The following PRDM16 variants were observed in gnomAD, a reference collection of about 807,000 sequenced individuals.
PRDM16 encodes PR/SET domain 16, also known as histone-lysine N-methyltransferase PRDM16.
A neutral mutation model predicts 110.6 loss-of-function variants in PRDM16; 23 were observed. The observed-to-expected ratio is 0.21, with a 90% CI of 0.15 to 0.29. The LOEUF is 0.29. Ranked by LOEUF, PRDM16 falls within the 10% of genes least tolerant of loss-of-function variation. The probability of loss-of-function intolerance (pLI) is 1.00; values close to 1 mark genes in which losing one functional copy is unlikely to be tolerated. For missense variants in PRDM16, 1,615 were observed against 1,794.3 expected (o/e 0.90, Z 1.81); for synonymous variants, 799 against 781.8 (o/e 1.02, Z -0.37).
intron 1 of PRDM16, among the ~76,000 whole-genome samples, chr1:3,115,400 C>T (rs1047403251): frequency 6.6e-6 from 1 of 152,240 alleles, no homozygotes; most frequent in East Asian, 1.9e-4. Flanking sequence ...TGAGCAAACC[C>T]AGCGGGACGG....
rs115853014 is a variant in PRDM16 at position 3,314,501 on chromosome 1, A to T, written c.438+70364A>T. ...ACCCTCCCACCTTACAAAGTCCCCC[A>T]GCCTCCCCACATAGTTATCCTGCTC... On this transcript the variant is annotated intron_variant, in intron 3 of 16. Coordinates refer to ENST00000270722, the MANE Select transcript of PRDM16 (RefSeq NM_022114.4). Among the ~76,000 whole-genome samples, 1,399 of 152,142 alleles carry T rather than the reference A, an allele frequency of 9.2e-3. 36 individuals carry two copies. Among genetic ancestry groups the T allele is most frequent in the African/African-American group, 0.032 (1,333 of 41,492 alleles).
At chr1:3,349,011 C>G (rs1344398786) in intron 3 of PRDM16, among the ~76,000 whole-genome samples, 2 of 152,126 alleles carry the variant, frequency 1.3e-5, no homozygotes, top group African/African-American at 4.8e-5. Context: ...GCTCTGTGCT[C>G]CTGCCTTTGG....
intron 3 of PRDM16, among the ~76,000 whole-genome samples, chr1:3,301,558 A>C (rs1641208894): frequency 6.6e-6 from 1 of 152,218 alleles, no homozygotes; most frequent in Admixed American, 6.5e-5. Context: ...GCTGAGGCTG[A>C]CACCTCTGGC....
chr1:3,277,712 C>T (rs1040367580), intron 3 of PRDM16, among the ~76,000 whole-genome samples: 1 of 149,556 alleles, frequency 6.7e-6, no homozygotes, highest in Non-Finnish European at 1.5e-5. Flanking sequence ...CTTGTTCACC[C>T]ACATGCACAC....
intron 3 of PRDM16, among the ~76,000 whole-genome samples, chr1:3,365,950 G>C (rs200395015): frequency 3.1e-5 from 4 of 130,218 alleles, no homozygotes; most frequent in Non-Finnish European, 6.3e-5. Context: ...AAACGCACAC[G>C]CATGCACACA....
intron 3 of PRDM16, among the ~76,000 whole-genome samples, chr1:3,268,242 T>C (rs1289215823): frequency 6.6e-6 from 1 of 152,166 alleles, no homozygotes; most frequent in African/African-American, 2.4e-5. Context: ...GGAAGTGTGT[T>C]TGTCTCCGCT....
chr1:3,098,993 C>T (rs1214481991), intron 1 of PRDM16, among the ~76,000 whole-genome samples: 1 of 152,248 alleles, frequency 6.6e-6, no homozygotes. Context: ...AGGAGCTGGT[C>T]CATCCCTGGC....
chr1:3,238,252 G>A (rs761183946), intron 2 of PRDM16, among the ~76,000 whole-genome samples: 3 of 152,162 alleles, frequency 2.0e-5, no homozygotes, highest in African/African-American at 4.8e-5. Context: ...TGAGGGAGGT[G>A]GTGGCTGGGA....
At chr1:3,340,265 C>T (rs1342007862) in intron 3 of PRDM16, among the ~76,000 whole-genome samples, 5 of 152,056 alleles carry the variant, frequency 3.3e-5, no homozygotes, top group Non-Finnish European at 7.4e-5. Context: ...CCCCACGAGC[C>T]CACCCTCCAA....
chr1:3,435,462 A>G lies in PRDM16; in HGVS notation c.*1651A>G, dbSNP rs923399181. The G allele has an allele frequency of 1.3e-5, 3 of 230,576 alleles. No homozygotes were observed. In the Admixed American group the frequency reaches 1.7e-4, roughly 13 times the overall value. 14.3% of individuals were successfully genotyped at this position (230,576 alleles called of 1,614,324 possible). ...CTGCTGCCGTTTACCAGACAATCAT[A>G]TGTTTTTGTTAAATTTGCGTTTCAG... On this transcript the variant is annotated 3_prime_UTR_variant, in exon 17 of 17. Coordinates refer to ENST00000270722, the MANE Select transcript of PRDM16 (RefSeq NM_022114.4).
In PRDM16 at chr1:3,426,047, G is replaced by T. The variant is rs201495178; in HGVS notation, c.3110-4G>T. 6.2e-7 allele frequency: 1 copy of T among 1,610,940 alleles called. No individual in the cohort carries two copies. Among genetic ancestry groups the T allele is most frequent in the Non-Finnish European group, 8.5e-7 (1 of 1,178,680 alleles). ...CGCCCCCTGATGCTCCCGCCCCTCC[G>T]CAGTGAGCCAGCACCCCGGGGTCCT... On this transcript the variant is annotated splice_region_variant and splice_polypyrimidine_tract_variant and intron_variant, in intron 13 of 16. Transcript: ENST00000270722.
intron 3 of PRDM16, among the ~76,000 whole-genome samples, chr1:3,270,520 A>G (rs1339857060): frequency 1.5e-4 from 23 of 149,798 alleles, no homozygotes; most frequent in Non-Finnish European, 1.5e-5. Flanking sequence ...GGGGGAGGAC[A>G]ATCAGGCGGA....
At chr1:3,106,028 A>C (rs766746734) in intron 1 of PRDM16, among the ~76,000 whole-genome samples, 12 of 151,362 alleles carry the variant, frequency 7.9e-5, no homozygotes, top group Non-Finnish European at 1.6e-4. Context: ...CTTCCTGTTG[A>C]AGCTTCCTGG....
intron 1 of PRDM16, among the ~76,000 whole-genome samples, chr1:3,084,478 G>A (rs542957433): frequency 3.3e-5 from 5 of 152,314 alleles, no homozygotes; most frequent in African/African-American, 9.6e-5. Context: ...TGGGAGGCAC[G>A]GAATGCTGGG....
In PRDM16 at chr1:3,244,775, C is replaced by T. The variant is rs961235760; in HGVS notation, c.438+638C>T. Among the ~76,000 whole-genome samples, 4 of 152,110 alleles carry T rather than the reference C, an allele frequency of 2.6e-5. No homozygotes were observed. Among genetic ancestry groups the T allele is most frequent in the Non-Finnish European group, 4.4e-5 (3 of 68,036 alleles). On this transcript the variant is annotated intron_variant, in intron 3 of 16. Transcript: ENST00000270722. The surrounding 1 kb of genome is among the most constrained non-coding windows in gnomAD (Gnocchi z 4.1). The stretch of plus-strand genomic sequence containing the variant: ...AGTCACATGTGTGCCTGGGTGTGCA[C>T]ACTGCAGTCCAGACGGCCAGGAGGA...
At chr1:3,192,553 C>T (rs934539573) in intron 2 of PRDM16, among the ~76,000 whole-genome samples, 2 of 152,134 alleles carry the variant, frequency 1.3e-5, no homozygotes, top group Admixed American at 1.3e-4. Context: ...TGCCTTTCTA[C>T]CGTTTTCATG....
At chr1:3,294,064 G>A (rs973608866) in intron 3 of PRDM16, among the ~76,000 whole-genome samples, 3 of 152,146 alleles carry the variant, frequency 2.0e-5, no homozygotes, top group East Asian at 1.9e-4. Flanking sequence ...GGGGCCAGGC[G>A]TTCCTGCCAT....
intron 1 of PRDM16, among the ~76,000 whole-genome samples, chr1:3,113,213 C>T (rs1043519761): frequency 2.0e-5 from 3 of 152,242 alleles, no homozygotes; most frequent in Non-Finnish European, 4.4e-5. Context: ...TGTTCTCCCC[C>T]AAGCTCTGGT....
At chr1:3,151,864 C>T (rs1382315719) in intron 1 of PRDM16, among the ~76,000 whole-genome samples, 1 of 152,250 alleles carries the variant, frequency 6.6e-6, no homozygotes, top group Non-Finnish European at 1.5e-5. Context: ...CCTGTGCCCC[C>T]TGTCTCTGGA....
Sources: gnomAD v4.1 joint callset for allele counts (sites outside exome capture counted in the v4.1 genomes callset) on GRCh38, gnomAD v4.1.1 for gene constraint, Gnocchi (gnomAD v3.1) non-coding constraint, MANE v1.5 for transcripts, NCBI Gene and HGNC (gene_info 2026-07-23, HGNC 2026-07-21) for gene names.